AGAP6: variants seen among roughly 807,000 people sequenced by gnomAD.
AGAP6 encodes the protein arf-GAP with GTPase, ANK repeat and PH domain-containing protein 6.
Under a neutral mutation model 63.9 loss-of-function variants are expected in AGAP6, and 29 were observed. That is an observed-to-expected ratio of 0.45 (90% CI 0.34 to 0.62). The LOEUF (loss-of-function observed/expected upper bound fraction) is 0.62, where lower values mean the gene tolerates loss of function less well. Among genes scored for constraint, AGAP6 ranks in the 20% least tolerant of loss-of-function variants. The probability of loss-of-function intolerance (pLI) is 0.01; values close to 1 mark genes in which losing one functional copy is unlikely to be tolerated. For synonymous variants in AGAP6, 199 were observed against 332.9 expected, an observed-to-expected ratio of 0.60 and a Z score of 4.38; for missense variants, 493 against 884.9, an observed-to-expected ratio of 0.56 and a Z score of 5.62.
At chr10:50,003,833 G>T (rs1273544353) in intron 5 of AGAP6, among the ~76,000 whole-genome samples, 1 of 152,076 alleles carries the variant, frequency 6.6e-6, no homozygotes, top group Admixed American at 6.6e-5. Context: ...GTCACATAAG[G>T]TCATTGGTCC....
In AGAP6 at chr10:50,009,185, C is replaced by T. The variant is rs1344414577; in HGVS notation, c.1060C>T (p.Pro354Ser). ...WPSLATSACT[P>S]ISSSKSNGLS... ...ATCCCTAGCCACATCGGCCTGCACA[C>T]CCATCTCCAGCTCTAAAAGCAATGG... Residue 354 changes from proline to serine, a missense_variant, in exon 8 of 8, where the codon CCC becomes TCC. By Grantham distance (74) the Pro-to-Ser change is moderately conservative. Transcript: ENST00000412531. 3.7e-5 allele frequency: 60 copies of T among 1,614,134 alleles called. No individual in the cohort carries two copies. Among genetic ancestry groups the T allele is most frequent in the Middle Eastern group, 3.3e-4 (2 of 6,080 alleles).
intron 4 of AGAP6, among the ~76,000 whole-genome samples, chr10:49,997,081 T>A (rs1841519188): frequency 6.8e-6 from 1 of 147,560 alleles, no homozygotes. Context: ...AAAGTCTAAT[T>A]TGAGTATAAT....
chr10:49,999,889 A>G (rs1288663504), intron 4 of AGAP6, among the ~76,000 whole-genome samples: 1 of 142,804 alleles, frequency 7.0e-6, no homozygotes, highest in Non-Finnish European at 1.5e-5. Flanking sequence ...AAACTAAACT[A>G]AAATAAAATA....
At chr10:49,994,918 C>T (rs1270426453) in intron 4 of AGAP6, among the ~76,000 whole-genome samples, 3 of 146,778 alleles carry the variant, frequency 2.0e-5, no homozygotes, top group African/African-American at 7.6e-5. Context: ...GCCAAGATCG[C>T]GCCATTGCAC....
intron 1 of AGAP6, 34 bp from the exon 2 acceptor site, chr10:49,989,274 A>C (rs1841167767): frequency 6.3e-7 from 1 of 1,595,754 alleles, no homozygotes. Flanking sequence ...ATAAATGATT[A>C]CATCCTTTTT....
At chr10:49,994,284 A>T in intron 3 of AGAP6, 111 bp from the exon 4 acceptor site, 2 of 1,180,140 alleles carry the variant, frequency 1.7e-6, no homozygotes, top group Non-Finnish European at 2.3e-6. Context: ...ATTATTTTTT[A>T]AATGGAATTT....
intron 4 of AGAP6, among the ~76,000 whole-genome samples, chr10:49,994,961 CAAAAAAAAAAAA>C (rs536082046): frequency 1.6e-5 from 1 of 63,194 alleles, no homozygotes; most frequent in Admixed American, 1.9e-4. Flanking sequence ...AACTCTGTCT[CAAAAAAAAAAAA>C]AAAAAAAAAA....
intron 3 of AGAP6, among the ~76,000 whole-genome samples, chr10:49,992,885 C>A (rs1475890878): frequency 6.6e-6 from 1 of 152,162 alleles, no homozygotes; most frequent in Non-Finnish European, 1.5e-5. Flanking sequence ...CCTCAGCCTC[C>A]CGAGTAGTTG....
intron 6 of AGAP6, among the ~76,000 whole-genome samples, chr10:50,006,640 C>T (rs1269759843): frequency 3.3e-5 from 5 of 152,146 alleles, no homozygotes; most frequent in Admixed American, 6.5e-5. Flanking sequence ...TTTGGCCTCT[C>T]AAAGTGCTGG....
intron 4 of AGAP6, among the ~76,000 whole-genome samples, chr10:49,994,819 G>A (rs1169390014): frequency 2.3e-4 from 35 of 151,894 alleles, no homozygotes; most frequent in Admixed American, 6.6e-4. Flanking sequence ...AAAAGTAGCC[G>A]GGCGTGGTGG....
At chr10:49,991,769 C>T in intron 3 of AGAP6, 25 bp downstream of exon 3, 1 of 1,597,566 alleles carries the variant, frequency 6.3e-7, no homozygotes, top group Non-Finnish European at 8.5e-7. Context: ...TCTTTTCCAC[C>T]AAGAGAAAGA....
At chr10:50,007,964 A>G (rs537752961) in intron 6 of AGAP6, 61 bp from the exon 7 acceptor site, 4 of 1,610,592 alleles carry the variant, frequency 2.5e-6, no homozygotes, top group African/African-American at 2.7e-5. Context: ...GTATTTTACT[A>G]AACAAATATT....
chr10:49,990,411 C>T (rs1841223223), intron 2 of AGAP6, among the ~76,000 whole-genome samples: 1 of 152,214 alleles, frequency 6.6e-6, no homozygotes, highest in Non-Finnish European at 1.5e-5. Context: ...CGCCAATGCA[C>T]TCCAGCCTGG....
At chr10:49,992,104 A>T (rs1554861158) in intron 3 of AGAP6, among the ~76,000 whole-genome samples, 1 of 151,332 alleles carries the variant, frequency 6.6e-6, no homozygotes. Context: ...TTAAAGATGA[A>T]TGATAGAACT....
At chr10:49,998,180 G>A (rs1841567369) in intron 4 of AGAP6, among the ~76,000 whole-genome samples, 1 of 105,026 alleles carries the variant, frequency 9.5e-6, no homozygotes. Context: ...GTGGTTGTCT[G>A]TATACTCTGC....
intron 2 of AGAP6, among the ~76,000 whole-genome samples, chr10:49,989,982 G>A (rs531264948): frequency 2.6e-5 from 4 of 152,286 alleles, no homozygotes; most frequent in African/African-American, 9.6e-5. Flanking sequence ...TTGGTTCATG[G>A]TCAAAACTTT....
In AGAP6 at chr10:49,988,938, G is replaced by A; in HGVS notation, c.223G>A (p.Ala75Thr). The A allele has an allele frequency of 6.2e-7, 1 of 1,601,482 alleles. No individual in the cohort carries two copies. The highest frequency in any genetic ancestry group is 2.2e-5 in the East Asian group (1 of 44,790). The change falls in exon 1 of 8, where the codon GCT (alanine) becomes ACT (threonine). Residue 75 changes from alanine (A) to threonine (T), a missense_variant and splice_region_variant. Transcript: ENST00000412531. ...CGTTCGTGACCGGGAGATGCCTGAA[G>A]GTGAGGAGGTGATAGGTGCCATCTA... The part of the protein sequence containing the change: ...HHVRDREMPE[A>T]LEFNLSANPE...
In AGAP6 at chr10:50,009,883, C is replaced by G. The variant is rs200252245; in HGVS notation, c.1758C>G (p.Ser586=). The G allele has an allele frequency of 2.6e-4, 414 of 1,611,420 alleles. 1 individual carries two copies. Among genetic ancestry groups the G allele is most frequent in the Non-Finnish European group, 1.2e-4 (137 of 1,179,788 alleles). ...FLAPLPCTEL[S]LGQQLLRATA... ...CCCCACTACCCTGCACTGAGCTGTC[C>G]CTGGGCCAGCAGCTGCTGCGGGCCA... The change falls in exon 8 of 8, where the codon TCC becomes TCG. Residue 586 remains serine (S), a synonymous_variant. Coordinates refer to ENST00000412531, the MANE Select transcript of AGAP6 (RefSeq NM_001077665.3).
At chr10:49,991,108 A>G (rs1439691479) in intron 2 of AGAP6, among the ~76,000 whole-genome samples, 14 of 152,254 alleles carry the variant, frequency 9.2e-5, no homozygotes, top group South Asian at 2.1e-4. Context: ...AGGCCTGTGT[A>G]TGTTCTCCCT....
Sources: allele counts gnomAD v4.1 joint callset (sites outside exome capture counted in the v4.1 genomes callset), GRCh38; gene constraint gnomAD v4.1.1; transcripts MANE v1.5; gene names NCBI Gene and HGNC (gene_info 2026-07-23, HGNC 2026-07-21).